The following PCDH15 variants were observed in gnomAD, a reference collection of about 807,000 sequenced individuals.
PCDH15 encodes the protein protocadherin-15.
In PCDH15, 129 loss-of-function variants were observed where a neutral mutation model predicts 178.5. That is an observed-to-expected ratio of 0.72 (90% confidence interval 0.63 to 0.84). The LOEUF is 0.84. Ranked by LOEUF, PCDH15 falls within the 40% of genes least tolerant of loss-of-function variation. PCDH15 has a pLI of 0.00. For missense variants in PCDH15, 2,230 were observed against 2,099.9 expected, an observed-to-expected ratio of 1.06 and a Z score of -1.21; for synonymous variants, 800 against 732.0, an observed-to-expected ratio of 1.09 and a Z score of -1.50.
chr10:54,317,553 T>G lies in PCDH15; in HGVS notation c.706-112A>C, dbSNP rs12242256. The stretch of plus-strand genomic sequence containing the variant: ...ACTTTGGGAGGCCAAGGTGGGTGGA[T>G]CACTTGAGGTCAGGGGTTTGATACC... On this transcript the variant is annotated intron_variant, in intron 7 of 37. Coordinates refer to ENST00000644397, the MANE Select transcript of PCDH15 (RefSeq NM_001384140.1). 14,756 of 1,185,774 alleles carry G rather than the reference T, an allele frequency of 0.012. 885 individuals carry two copies. The African/African-American group carries it at 0.16, about 13-fold the overall frequency. 73.5% of individuals were successfully genotyped at this position (1,185,774 alleles called of 1,614,324 possible). A position where few individuals can be genotyped will look rare whatever the true frequency, so the allele number is the denominator to read the frequency against.
chr10:54,092,217 C>T (rs910631574), intron 15 of PCDH15, among the ~76,000 whole-genome samples: 1 of 152,098 alleles, frequency 6.6e-6, no homozygotes, highest in Non-Finnish European at 1.5e-5. Flanking sequence ...ATCAGCAGAT[C>T]CCACCAGATT....
chr10:55,574,698 T>G (rs576213437), intron 2 of PCDH15, among the ~76,000 whole-genome samples: 1 of 151,920 alleles, frequency 6.6e-6, no homozygotes, highest in Non-Finnish European at 1.5e-5. Flanking sequence ...AAGAAAAATA[T>G]GGTGATAGTA....
At chr10:54,896,533 G>T (rs558914838) in intron 3 of PCDH15, among the ~76,000 whole-genome samples, 9 of 151,600 alleles carry the variant, frequency 5.9e-5, no homozygotes, top group South Asian at 2.1e-4. Context: ...AAATAGCTTA[G>T]CTCCATGAAC....
chr10:55,519,427 G>A (rs910315084), intron 2 of PCDH15, among the ~76,000 whole-genome samples: 1 of 151,948 alleles, frequency 6.6e-6, no homozygotes, highest in Non-Finnish European at 1.5e-5. Context: ...CGGGTGGAAC[G>A]GAAGTAAGTG....
chr10:54,389,769 T>C (rs1349204926), intron 3 of PCDH15, among the ~76,000 whole-genome samples: 1 of 143,840 alleles, frequency 7.0e-6, no homozygotes, highest in African/African-American at 2.6e-5. Context: ...TGAAACACCA[T>C]CTCTAATAAA....
At chr10:54,124,573 T>C (rs962829102) in intron 15 of PCDH15, among the ~76,000 whole-genome samples, 5 of 152,206 alleles carry the variant, frequency 3.3e-5, no homozygotes. Flanking sequence ...ATAAACATAA[T>C]GAATCTGAAA....
chr10:54,153,052 G>A (rs1489480381), intron 14 of PCDH15, 48 bp downstream of exon 14: 1 of 1,599,184 alleles, frequency 6.3e-7, no homozygotes, highest in South Asian at 1.1e-5. Flanking sequence ...TAATTACAGG[G>A]TTAAACGGGC....
chr10:55,322,195 C>A (rs1843918631), upstream of PCDH15, among the ~76,000 whole-genome samples: 1 of 152,178 alleles, frequency 6.6e-6, no homozygotes, highest in Non-Finnish European at 1.5e-5. Context: ...CTCCCCTACC[C>A]ATGATCTCTT....
At chr10:53,833,602 T>G (rs138913673) in intron 29 of PCDH15, among the ~76,000 whole-genome samples, 95 of 151,114 alleles carry the variant, frequency 6.3e-4, no homozygotes, top group African/African-American at 2.0e-3. Context: ...TATTTCTGTT[T>G]CAGTGATTTT....
intron 6 of PCDH15, among the ~76,000 whole-genome samples, chr10:54,338,280 A>G (rs2384450): frequency 0.071 from 10,796 of 152,278 alleles, 500 homozygotes; most frequent in African/African-American, 0.12. Flanking sequence ...GGAGGCATGG[A>G]AATCTCATGA....
chr10:54,266,459 G>C (rs2057697189), intron 8 of PCDH15, among the ~76,000 whole-genome samples: 1 of 151,300 alleles, frequency 6.6e-6, no homozygotes, highest in African/African-American at 2.4e-5. Context: ...ACAAAAATAA[G>C]AACAGGACTG....
At position 53,810,675 on chromosome 10, in the gene PCDH15, A is replaced by AACTT; in HGVS notation, c.4563-15_4563-12dup. On this transcript the variant is annotated splice_polypyrimidine_tract_variant and intron_variant, in intron 36 of 37. Transcript: ENST00000644397. ...TGAGGCATTTCATACCTGTAATATA[A>AACTT]ACTTACATCTTTAAACAGTTTGTCA... The AACTT allele has an allele frequency of 1.2e-6, 2 of 1,603,594 alleles. No individual in the cohort carries two copies.
intron 3 of PCDH15, among the ~76,000 whole-genome samples, chr10:54,858,242 C>A (rs905406505): frequency 3.9e-5 from 6 of 152,144 alleles, no homozygotes; most frequent in Non-Finnish European, 7.4e-5. Flanking sequence ...ATGACAATTT[C>A]CTTCTTTTTG....
At chr10:54,456,221 C>T (rs138633403) in intron 3 of PCDH15, among the ~76,000 whole-genome samples, 4 of 152,282 alleles carry the variant, frequency 2.6e-5, no homozygotes, top group African/African-American at 9.6e-5. Flanking sequence ...AGGCCACAGA[C>T]ACTGAATGTC....
intron 2 of PCDH15, among the ~76,000 whole-genome samples, chr10:55,449,084 T>A (rs1222371507): frequency 6.6e-6 from 1 of 152,044 alleles, no homozygotes; most frequent in Admixed American, 6.6e-5. Flanking sequence ...TTGATTGAGG[T>A]AATTATTCTC....
intron 2 of PCDH15, among the ~76,000 whole-genome samples, chr10:54,557,310 T>C (rs1218552742): frequency 1.3e-5 from 2 of 152,192 alleles, no homozygotes; most frequent in Non-Finnish European, 2.9e-5. Flanking sequence ...AAAAGTCTAT[T>C]GGGTGTGGCC....
At chr10:53,967,979 T>C (rs1225666009) in intron 21 of PCDH15, among the ~76,000 whole-genome samples, 1 of 152,102 alleles carries the variant, frequency 6.6e-6, no homozygotes, top group South Asian at 2.1e-4. Flanking sequence ...ATTTCTGCAT[T>C]TCCAACTGAG....
chr10:53,830,930 A>G lies in PCDH15; in HGVS notation c.4202+385T>C, dbSNP rs1213056154. 5.3e-5 allele frequency among the ~76,000 whole-genome samples: 8 copies of G among 152,316 alleles called. No individual in the cohort carries two copies. The East Asian group carries it at 1.5e-3, about 29-fold the overall frequency. ...TCATGACAATGTCGCGAAGTTATTG[A>G]CCTTCCTTTGGAGCTGGGCAGAGTG... On this transcript the variant is annotated intron_variant, in intron 30 of 37. Coordinates refer to ENST00000644397, the MANE Select transcript of PCDH15 (RefSeq NM_001384140.1).
intron 8 of PCDH15, among the ~76,000 whole-genome samples, chr10:54,278,293 T>C (rs971549635): frequency 6.6e-6 from 1 of 151,654 alleles, no homozygotes. Context: ...ATTGGTGTCA[T>C]CTCTAAGACA....
Sources: allele counts gnomAD v4.1 joint callset (sites outside exome capture counted in the v4.1 genomes callset), GRCh38; gene constraint gnomAD v4.1.1; transcripts MANE v1.5; gene names NCBI Gene and HGNC (gene_info 2026-07-23, HGNC 2026-07-21).